Variants in DCTN4 observed in about 807,000 individuals in gnomAD.
The protein encoded by DCTN4 is dynactin subunit 4, also known as dynactin 4 (p62).
DCTN4 carries 23 observed loss-of-function variants against 62.7 expected under a neutral mutation model. The observed-to-expected ratio is 0.37, with a 90% CI of 0.26 to 0.52. DCTN4 has a LOEUF of 0.52. Among genes scored for constraint, DCTN4 ranks in the 20% least tolerant of loss-of-function variants. The pLI is 0.92. For missense variants in DCTN4, 514 were observed against 580.4 expected (o/e 0.89, Z 1.18); for synonymous variants, 199 against 202.1 (o/e 0.98, Z 0.13).
At chr5:150,746,782 C>T (rs1185489022) in intron 3 of DCTN4, among the ~76,000 whole-genome samples, 6 of 152,112 alleles carry the variant, frequency 3.9e-5, no homozygotes, top group African/African-American at 7.2e-5. Flanking sequence ...ATTGATGGGA[C>T]GTATCTCAAA....
At chr5:150,727,899 AT>A (rs914600933) in intron 8 of DCTN4, among the ~76,000 whole-genome samples, 4 of 151,848 alleles carry the variant, frequency 2.6e-5, no homozygotes, top group Non-Finnish European at 5.9e-5. Flanking sequence ...AAATATTGAT[AT>A]TTGATAAAAA....
chr5:150,742,799 C>G (rs1007155953), intron 3 of DCTN4: 3 of 152,938 alleles, frequency 2.0e-5, no homozygotes, highest in Admixed American at 6.5e-5. Context: ...CTTACTTCAA[C>G]AACATTTACA....
intron 4 of DCTN4, among the ~76,000 whole-genome samples, chr5:150,737,759 TAACAAAGATGAGAGCAG>T (rs1282052585): frequency 6.6e-6 from 1 of 150,410 alleles, no homozygotes; most frequent in Admixed American, 6.6e-5. Flanking sequence ...AGAAAAGAAA[TAACAAAGATGAGAGCAG>T]AACTAAATGA....
intron 3 of DCTN4, among the ~76,000 whole-genome samples, chr5:150,747,100 A>G (rs1458623836): frequency 3.9e-5 from 6 of 152,214 alleles, no homozygotes; most frequent in Admixed American, 2.0e-4. Context: ...GTCTCGGGAT[A>G]CAAAATCAAT....
intron 3 of DCTN4, among the ~76,000 whole-genome samples, chr5:150,746,031 T>G (rs1339729864): frequency 2.0e-5 from 3 of 149,984 alleles, no homozygotes; most frequent in Non-Finnish European, 4.4e-5. Flanking sequence ...TCAACAAAAT[T>G]GATAGACCGC....
intron 1 of DCTN4, chr5:150,758,187 T>C (rs972456762): frequency 2.0e-6 from 2 of 985,464 alleles, no homozygotes; most frequent in African/African-American, 1.7e-5. Context: ...GTTTTGTTAT[T>C]TGGTGACTTT....
chr5:150,757,351 A>G (rs985132729), intron 1 of DCTN4, among the ~76,000 whole-genome samples: 41 of 152,182 alleles, frequency 2.7e-4, no homozygotes, highest in African/African-American at 9.9e-4. Context: ...CCCCTTTCCA[A>G]ATTCTGCTTG....
At chr5:150,727,847 T>C (rs1357796302) in intron 8 of DCTN4, among the ~76,000 whole-genome samples, 2 of 151,752 alleles carry the variant, frequency 1.3e-5, no homozygotes, top group Admixed American at 1.3e-4. Context: ...TGGAGATAGT[T>C]TTCTCAACTG....
Position 150,753,581 on chromosome 5 carries a change from G to T in DCTN4, c.283C>A (p.Pro95Thr), listed in dbSNP as rs11550931. 2 of 1,614,056 alleles carry T rather than the reference G, an allele frequency of 1.2e-6. No homozygotes were observed. Among genetic ancestry groups the T allele is most frequent in the Non-Finnish European group, 1.7e-6 (2 of 1,180,020 alleles). Residue 95 changes from proline to threonine, a missense_variant, in exon 3 of 13, where the codon CCA (proline) becomes ACA (threonine). Coordinates refer to ENST00000447998, the MANE Select transcript of DCTN4 (RefSeq NM_016221.4). ...ATGGTGGTCTTGGCTGGGTCATCTG[G>T]AAGCTGTGTGGAGATGCTCGTGGCC... is the stretch of plus-strand genomic sequence containing the variant. ...TRATSISTQL[P>T]DDPAKTTMKK... is the part of the protein sequence containing the mutation.
rs1157393894 is a variant in DCTN4 at position 150,718,262 on chromosome 5, C to A, written c.1071+14G>T. On this transcript the variant is annotated intron_variant, in intron 11 of 12. Coordinates refer to ENST00000447998, the MANE Select transcript of DCTN4 (RefSeq NM_016221.4). ...AAAGTGCGGGTCAGTCAGGCTGAGG[C>A]AAAATGCTCCTACCTTAGCAGTGCT... is the stretch of plus-strand genomic sequence containing the variant. 1.9e-6 allele frequency: 3 copies of A among 1,596,164 alleles called. No homozygotes were observed. Among genetic ancestry groups the A allele is most frequent in the Non-Finnish European group, 1.7e-6 (2 of 1,165,350 alleles).
At chr5:150,719,660 T>G in intron 10 of DCTN4, 56 bp downstream of exon 10, 1 of 1,265,644 alleles carries the variant, frequency 7.9e-7, no homozygotes, top group South Asian at 1.2e-5. Context: ...CACATACACA[T>G]GTACACACAT....
intron 3 of DCTN4, among the ~76,000 whole-genome samples, chr5:150,743,333 G>C (rs1246311364): frequency 6.6e-6 from 1 of 152,084 alleles, no homozygotes; most frequent in Non-Finnish European, 1.5e-5. Flanking sequence ...AGCTCAAGGA[G>C]GCCTGCCTGC....
rs545534869 is a variant in DCTN4, at chr5:150,749,176, C to T, written c.385+4303G>A. 2.6e-5 allele frequency among the ~76,000 whole-genome samples: 4 copies of T among 152,196 alleles called. No homozygotes were observed. The South Asian group carries it at 8.3e-4, about 32-fold the overall frequency. ...GCTGAGAAAAGGAAAAGGCAAGGCACAGACTGGGAGTAAATATTTGCAAAA... is the reference window on the plus strand; with the variant it reads ...GCTGAGAAAAGGAAAAGGCAAGGCATAGACTGGGAGTAAATATTTGCAAAA... On this transcript the variant is annotated intron_variant, in intron 3 of 12. Transcript: ENST00000447998.
At chr5:150,739,391 A>G (rs1304429123) in intron 4 of DCTN4, among the ~76,000 whole-genome samples, 1 of 152,208 alleles carries the variant, frequency 6.6e-6, no homozygotes, top group African/African-American at 2.4e-5. Context: ...AAAGACCTCT[A>G]CAAGAAAAAC....
At chr5:150,721,508 CAAT>C (rs1227596851) in intron 9 of DCTN4, among the ~76,000 whole-genome samples, 4 of 152,220 alleles carry the variant, frequency 2.6e-5, no homozygotes, top group Non-Finnish European at 5.9e-5. Flanking sequence ...ATCCCACCAA[CAAT>C]GTGTGCAAGT....
At chr5:150,726,963 T>A (rs1162307473) in intron 8 of DCTN4, among the ~76,000 whole-genome samples, 1 of 152,198 alleles carries the variant, frequency 6.6e-6, no homozygotes, top group African/African-American at 2.4e-5. Context: ...AAGTTGTCTG[T>A]CATTTGAAAT....
chr5:150,712,410 A>T, intron 12 of DCTN4, among the ~76,000 whole-genome samples: 1 of 151,780 alleles, frequency 6.6e-6, no homozygotes, highest in African/African-American at 2.4e-5. Flanking sequence ...GATCACAAGC[A>T]TAAGCCAATG....
At chr5:150,757,961 T>C (rs917181516) in intron 1 of DCTN4, 4 of 643,488 alleles carry the variant, frequency 6.2e-6, no homozygotes, top group Non-Finnish European at 7.7e-6. Flanking sequence ...GTAAAAAAAA[T>C]TTTTTAAAAA....
Position 150,756,502 on chromosome 5 carries a change from G to T in DCTN4, c.136-15C>A. On this transcript the variant is annotated splice_polypyrimidine_tract_variant and intron_variant, in intron 1 of 12. Coordinates refer to ENST00000447998, the MANE Select transcript of DCTN4 (RefSeq NM_016221.4). ...TGGGAGTCCACCTAGGAGGAAACAA[G>T]AAAGAAAAAAAAAACCAGAGGAGAA... The T allele has an allele frequency of 6.5e-7, 1 of 1,535,058 alleles. No individual in the cohort carries two copies. Among genetic ancestry groups the T allele is most frequent in the South Asian group, 1.2e-5 (1 of 80,770 alleles).
Sources: gnomAD v4.1 joint callset for allele counts (sites outside exome capture counted in the v4.1 genomes callset) on GRCh38, gnomAD v4.1.1 for gene constraint, MANE v1.5 for transcripts, NCBI Gene and HGNC (gene_info 2026-07-23, HGNC 2026-07-21) for gene names.